BAZ1B: variants seen among roughly 807,000 people sequenced by gnomAD.
BAZ1B encodes the protein bromodomain adjacent to zinc finger domain 1B.
Under a neutral mutation model 153.8 loss-of-function variants are expected in BAZ1B, and 22 were observed. The ratio of observed to expected loss-of-function variants is 0.14; its 90% CI spans 0.10 to 0.20. The LOEUF is 0.20. Ranked by LOEUF, BAZ1B falls within the 10% of genes least tolerant of loss-of-function variation. The probability of loss-of-function intolerance (pLI) is 1.00; values close to 1 mark genes in which losing one functional copy is unlikely to be tolerated. For missense variants in BAZ1B, 1,325 were observed against 1,799.3 expected (o/e 0.74, Z 4.77); for synonymous variants, 676 against 633.4 (o/e 1.07, Z -1.01).
rs1353859997 is a variant in BAZ1B at position 73,492,748 on chromosome 7, A to G, written c.693+52T>C. ...TTTCTCCAACAAAAGCAACCCTATGATATTTTCTTAAAGAACATCTATCAC... is the reference window on the plus strand; with the variant it reads ...TTTCTCCAACAAAAGCAACCCTATGGTATTTTCTTAAAGAACATCTATCAC... On this transcript the variant is annotated intron_variant, in intron 5 of 19. Transcript: ENST00000339594. 9.3e-6 allele frequency: 14 copies of G among 1,503,626 alleles called. No homozygotes were observed. The South Asian group carries it at 1.5e-4, about 16-fold the overall frequency. The allele number at this position is 1,503,626 out of a possible 1,614,324, so 93.1% of individuals were successfully genotyped here. A position where few individuals can be genotyped will look rare whatever the true frequency, so the allele number is the denominator to read the frequency against.
chr7:73,515,453 C>G (rs1790758223), intron 1 of BAZ1B, among the ~76,000 whole-genome samples: 1 of 151,104 alleles, frequency 6.6e-6, no homozygotes, highest in Non-Finnish European at 1.5e-5. Context: ...ATGATGTCTT[C>G]TAGCTCTTTC....
At chr7:73,508,193 A>G (rs1485262819) in intron 3 of BAZ1B, 134 bp downstream of exon 3, 2 of 922,220 alleles carry the variant, frequency 2.2e-6, no homozygotes, top group Non-Finnish European at 1.5e-6. Flanking sequence ...GTATTAACGT[A>G]AAGTATTAAT....
Position 73,442,304 on chromosome 7 carries a change from T to C in BAZ1B, c.4344A>G (p.Pro1448=), listed in dbSNP as rs144397980. 4.1e-4 allele frequency: 657 copies of C among 1,614,164 alleles called. 5 individuals carry two copies. In the Admixed American group the frequency reaches 0.01, roughly 25 times the overall value. ...ACTTCTTGCGCTTCCTGCGGACATA[T>C]GGGTGGCCAGGAAGGTGTTTATGCA... ...ALLHKHLPGH[P]YVRRKRKKFP... Residue 1448 remains proline, a synonymous_variant, in exon 19 of 20, where the codon CCA becomes CCG. Transcript: ENST00000339594.
At position 73,515,032 on chromosome 7, in the gene BAZ1B, G is replaced by A. The variant is rs543784005; in HGVS notation, c.108-4180C>T. On this transcript the variant is annotated intron_variant, in intron 1 of 19. Transcript: ENST00000339594. The stretch of plus-strand genomic sequence containing the variant: ...GGTTGCAGTGAGCCAAGATCACACC[G>A]CTGTACTCCACCCTGGATGACAGAG... Among the ~76,000 whole-genome samples the A allele has an allele frequency of 8.6e-5, 13 of 152,016 alleles. No homozygotes were observed. The East Asian group carries it at 1.5e-3, about 18-fold the overall frequency.
chr7:73,459,421 ACACT>A (rs1207037945), intron 13 of BAZ1B, 111 bp downstream of exon 13: 5 of 1,075,856 alleles, frequency 4.6e-6, no homozygotes, highest in African/African-American at 1.6e-5. Flanking sequence ...ACACACAAAA[ACACT>A]CACTCAGGGC....
chr7:73,449,978 G>A (rs1487236112), intron 14 of BAZ1B, among the ~76,000 whole-genome samples: 5 of 152,122 alleles, frequency 3.3e-5, no homozygotes, highest in African/African-American at 1.2e-4. Context: ...CCAAGTGAGA[G>A]TAGGAAATTT....
At chr7:73,462,641 G>A (rs1362017509) in intron 12 of BAZ1B, 6 of 400,000 alleles carry the variant, frequency 1.5e-5, no homozygotes, top group African/African-American at 6.2e-5. Context: ...GATGCTATAC[G>A]ACTGGAGCCT....
At position 73,477,367 on chromosome 7, in the gene BAZ1B, T is replaced by A; in HGVS notation, c.2094A>T (p.Arg698Ser). The change falls in exon 7 of 20, where the codon AGA (arginine) becomes AGT (serine). Residue 698 changes from arginine (R) to serine (S), a missense_variant. Around this residue, in one of 9 missense-constraint regions of BAZ1B, gnomAD observed 431 missense variants for 563.5 expected, o/e 0.76. Transcript: ENST00000339594. The surrounding 1 kb of genome is among the most constrained non-coding windows in gnomAD (Gnocchi z 5.6). ...CCTCGCTTTCCTCCTGAACATCAGATCTGCGCAAGCAGAGCCGCACCAGCT... is the reference window on the plus strand; with the variant it reads ...CCTCGCTTTCCTCCTGAACATCAGAACTGCGCAAGCAGAGCCGCACCAGCT... The part of the protein sequence containing the change: ...VSELVRLCLR[R>S]SDVQEESEGS... 6.2e-7 allele frequency: 1 copy of A among 1,614,246 alleles called. No homozygotes were observed. The highest frequency in any genetic ancestry group is 1.1e-5 in the South Asian group (1 of 91,086).
Position 73,449,742 on chromosome 7 carries a change from G to A in BAZ1B, c.3581-53C>T. On this transcript the variant is annotated intron_variant, in intron 14 of 19. Coordinates refer to ENST00000339594, the MANE Select transcript of BAZ1B (RefSeq NM_032408.4). ...TGTTGGGAGCACAGCAGCAGTCAAT[G>A]AGCTGTAAGGAAGAGGCAATCACCC... The A allele has an allele frequency of 2.5e-6, 4 of 1,578,052 alleles. No homozygotes were observed. The South Asian group carries it at 3.4e-5, about 14-fold the overall frequency.
chr7:73,483,689 T>C (rs1359524825), intron 6 of BAZ1B, among the ~76,000 whole-genome samples: 1 of 152,114 alleles, frequency 6.6e-6, no homozygotes, highest in Non-Finnish European at 1.5e-5. Flanking sequence ...TCACACAGGC[T>C]GGAGTGCAGT....
At chr7:73,506,999 C>T (rs1312339611) in intron 3 of BAZ1B, among the ~76,000 whole-genome samples, 1 of 148,370 alleles carries the variant, frequency 6.7e-6, no homozygotes, top group Non-Finnish European at 1.5e-5. Flanking sequence ...CTGCCTCAGC[C>T]TCCCGAGTAG....
intron 2 of BAZ1B, among the ~76,000 whole-genome samples, chr7:73,509,214 C>T (rs563091502): frequency 2.0e-4 from 29 of 146,310 alleles, no homozygotes; most frequent in South Asian, 8.8e-4. Context: ...CCCAGCTACT[C>T]GGGAGGCTGA....
At chr7:73,457,300 C>A (rs1417083590) in intron 13 of BAZ1B, among the ~76,000 whole-genome samples, 2 of 152,068 alleles carry the variant, frequency 1.3e-5, no homozygotes, top group African/African-American at 4.8e-5. Context: ...GCCTCAGCCT[C>A]CCTAGTAGCT....
rs1790849164 is a variant in BAZ1B at position 73,517,350 on chromosome 7, TA to T, written c.107+4476del. On this transcript the variant is annotated intron_variant, in intron 1 of 19. Coordinates refer to ENST00000339594, the MANE Select transcript of BAZ1B (RefSeq NM_032408.4). ...TCGTCTCTACAAAACATACAAAAATTAGGCGTGGTGGTGTGCACCTATGGTT... is the reference window on the plus strand; with the variant it reads ...TCGTCTCTACAAAACATACAAAAATTGGCGTGGTGGTGTGCACCTATGGTT... 9.3e-5 allele frequency among the ~76,000 whole-genome samples: 14 copies of T among 151,192 alleles called. No individual in the cohort carries two copies. In the South Asian group the frequency reaches 2.9e-3, roughly 32 times the overall value.
Position 73,490,762 on chromosome 7 carries a change from C to T in BAZ1B, c.694-1371G>A, listed in dbSNP as rs1206097724. Among the ~76,000 whole-genome samples the T allele has an allele frequency of 9.0e-4, 136 of 151,712 alleles. 10 individuals carry two copies. The highest frequency in any genetic ancestry group is 1.7e-4 in the African/African-American group (7 of 41,418). On this transcript the variant is annotated intron_variant, in intron 5 of 19. Transcript: ENST00000339594. ...CTGGGATTACAGGCATGTGCCACCA[C>T]GCCCGGCTAATTTTGTATTTTTAGT...
intron 11 of BAZ1B, chr7:73,464,062 G>T: frequency 1.1e-6 from 1 of 891,520 alleles, no homozygotes; most frequent in Non-Finnish European, 1.3e-6. Context: ...ACACAATTCT[G>T]AATACAGTTT....
At chr7:73,462,545 CTGAG>C (rs1788431158) in intron 12 of BAZ1B, 2 of 254,498 alleles carry the variant, frequency 7.9e-6, no homozygotes, top group South Asian at 4.3e-5. Flanking sequence ...TCTGAGCTGA[CTGAG>C]TGTGAAGAAT....
chr7:73,489,796 GAC>G, intron 5 of BAZ1B, among the ~76,000 whole-genome samples: 1 of 152,176 alleles, frequency 6.6e-6, no homozygotes, highest in Non-Finnish European at 1.5e-5. Context: ...CTATCTGAGA[GAC>G]AGAAAACGGA....
chr7:73,483,235 C>T (rs1039322999), intron 6 of BAZ1B, among the ~76,000 whole-genome samples: 1 of 152,162 alleles, frequency 6.6e-6, no homozygotes, highest in African/African-American at 2.4e-5. Flanking sequence ...AAATATCTGT[C>T]TGCAACTCCT....
Sources: allele counts gnomAD v4.1 joint callset (sites outside exome capture counted in the v4.1 genomes callset), GRCh38; gene constraint gnomAD v4.1.1; regional missense constraint gnomAD v4.1.1; non-coding constraint Gnocchi (gnomAD v3.1); transcripts MANE v1.5; gene names NCBI Gene and HGNC (gene_info 2026-07-23, HGNC 2026-07-21).